Variants in CCDC30 observed in about 807,000 individuals in gnomAD.
CCDC30 encodes the protein coiled-coil domain containing 30.
Under a neutral mutation model 100.2 loss-of-function variants are expected in CCDC30, and 70 were observed. That is an observed-to-expected ratio of 0.70 (90% CI 0.58 to 0.85). CCDC30 has a LOEUF of 0.85. Ranked by LOEUF, CCDC30 falls within the 40% of genes least tolerant of loss-of-function variation. The pLI is 0.00. For missense variants in CCDC30, 652 were observed against 771.2 expected (o/e 0.85, Z 1.83); for synonymous variants, 233 against 269.5 (o/e 0.86, Z 1.33).
rs1024147658 is a variant in CCDC30, at chr1:42,570,446, G to A, written c.636+3971G>A. Among the ~76,000 whole-genome samples, 6 of 152,052 alleles carry A rather than the reference G, an allele frequency of 3.9e-5. No individual in the cohort carries two copies. In the South Asian group the frequency reaches 8.3e-4, roughly 21 times the overall value. ...TTATAAAATATAACACTTAGAAAATGCATAAAACATACAGTTTACCTAGTA... is the reference window on the plus strand; with the variant it reads ...TTATAAAATATAACACTTAGAAAATACATAAAACATACAGTTTACCTAGTA... On this transcript the variant is annotated intron_variant, in intron 7 of 16. Transcript: ENST00000668663.
chr1:42,605,306 A>G (rs1161559165), intron 10 of CCDC30, among the ~76,000 whole-genome samples: 1 of 152,158 alleles, frequency 6.6e-6, no homozygotes, highest in African/African-American at 2.4e-5. Flanking sequence ...TGAGGGGAGT[A>G]TCTTTTGGAT....
intron 4 of CCDC30, among the ~76,000 whole-genome samples, chr1:42,493,975 A>G (rs1300810324): frequency 6.6e-6 from 1 of 152,184 alleles, no homozygotes; most frequent in Non-Finnish European, 1.5e-5. Flanking sequence ...GCACTTTGGG[A>G]GGCCAAGGGG....
At chr1:42,525,825 G>A (rs1335581628) in intron 6 of CCDC30, among the ~76,000 whole-genome samples, 2 of 152,086 alleles carry the variant, frequency 1.3e-5, no homozygotes, top group African/African-American at 4.8e-5. Flanking sequence ...GTGACCCTGG[G>A]TGTTCAATAA....
At chr1:42,640,503 G>A (rs1270358987) in intron 12 of CCDC30, among the ~76,000 whole-genome samples, 1 of 152,158 alleles carries the variant, frequency 6.6e-6, no homozygotes, top group East Asian at 1.9e-4. Context: ...TAGCAGGTCA[G>A]ACTACCATTA....
intron 13 of CCDC30, among the ~76,000 whole-genome samples, chr1:42,643,082 C>T (rs962746310): frequency 6.6e-6 from 1 of 152,152 alleles, no homozygotes; most frequent in Non-Finnish European, 1.5e-5. Flanking sequence ...TCATAGGAGA[C>T]TTTCATTATA....
At chr1:42,586,266 C>T (rs1012250901) in intron 9 of CCDC30, among the ~76,000 whole-genome samples, 2 of 152,036 alleles carry the variant, frequency 1.3e-5, no homozygotes, top group Non-Finnish European at 2.9e-5. Context: ...AAGGAGGTGA[C>T]GTAGGCCTAG....
At chr1:42,564,980 C>T (rs1645576160) in intron 6 of CCDC30, among the ~76,000 whole-genome samples, 2 of 152,146 alleles carry the variant, frequency 1.3e-5, no homozygotes, top group African/African-American at 4.8e-5. Flanking sequence ...GCATAATGCC[C>T]TCCAAGTTCA....
intron 10 of CCDC30, 118 bp from the exon 15 acceptor site, chr1:42,610,860 C>T (rs1367115702): frequency 5.5e-6 from 3 of 549,172 alleles, no homozygotes; most frequent in African/African-American, 2.0e-5. Flanking sequence ...CTACTATGAT[C>T]TCAGAAGCAG....
rs12402795 is a variant in CCDC30, at chr1:42,480,019, G to C, written c.-91-442G>C. ...ATGGGGGACATCTCTGGTGCGAGCCGAGTAACTGATGGCTAGGCTTTTTTG... is the reference window on the plus strand; with the variant it reads ...ATGGGGGACATCTCTGGTGCGAGCCCAGTAACTGATGGCTAGGCTTTTTTG... On this transcript the variant is annotated intron_variant, in intron 1 of 16. Transcript: ENST00000668663. 6.1e-3 allele frequency among the ~76,000 whole-genome samples: 922 copies of C among 152,140 alleles called. 6 individuals carry two copies. The highest frequency in any genetic ancestry group is 0.021 in the African/African-American group (860 of 41,502).
intron 6 of CCDC30, among the ~76,000 whole-genome samples, chr1:42,564,837 C>T (rs567750306): frequency 6.6e-6 from 1 of 152,232 alleles, no homozygotes; most frequent in Admixed American, 6.5e-5. Flanking sequence ...CATGCCTCCC[C>T]TCCCCAGCCT....
chr1:42,456,423 A>G, the CCDC30 span: 5 of 904,736 alleles, frequency 5.5e-6, no homozygotes, highest in Non-Finnish European at 8.0e-6. Context: ...GCATTTCCAG[A>G]CTTGGCGAGA....
chr1:42,623,774 T>C (rs1328963977), intron 11 of CCDC30, among the ~76,000 whole-genome samples: 1 of 152,224 alleles, frequency 6.6e-6, no homozygotes, highest in Non-Finnish European at 1.5e-5. Flanking sequence ...GTGAAGAATG[T>C]CATTGGTATT....
At chr1:42,649,023 G>A (rs368658635) in intron 15 of CCDC30, among the ~76,000 whole-genome samples, 2 of 151,848 alleles carry the variant, frequency 1.3e-5, no homozygotes, top group African/African-American at 2.4e-5. Flanking sequence ...TTCAACAAAC[G>A]AATAATGAAT....
rs1443306491 is a variant in CCDC30, at chr1:42,577,014, C to T, written c.637-6C>T. 1.3e-6 allele frequency: 2 copies of T among 1,594,752 alleles called. No individual in the cohort carries two copies. The highest frequency in any genetic ancestry group is 4.5e-5 in the East Asian group (2 of 44,638). ...TGTATTACTCTTACTTATTCTCTACCTCTAGATAAAGATTGAACTAAAGCA... is the reference window on the plus strand; with the variant it reads ...TGTATTACTCTTACTTATTCTCTACTTCTAGATAAAGATTGAACTAAAGCA... On this transcript the variant is annotated splice_polypyrimidine_tract_variant and splice_region_variant and intron_variant, in intron 7 of 16. Coordinates refer to ENST00000668663, the Ensembl canonical transcript of CCDC30.
At chr1:42,584,135 A>G (rs1300580049) in intron 9 of CCDC30, among the ~76,000 whole-genome samples, 1 of 152,162 alleles carries the variant, frequency 6.6e-6, no homozygotes, top group Admixed American at 6.5e-5. Context: ...AAAAAACAAA[A>G]TGTTTCAATT....
chr1:42,582,110 G>A (rs1181433323), intron 9 of CCDC30, among the ~76,000 whole-genome samples: 1 of 150,066 alleles, frequency 6.7e-6, no homozygotes, highest in Non-Finnish European at 1.5e-5. Context: ...GACTCCTTTA[G>A]TCCCAGCTAC....
At chr1:42,573,717 AATAG>A (rs1177010361) in intron 7 of CCDC30, among the ~76,000 whole-genome samples, 1 of 152,078 alleles carries the variant, frequency 6.6e-6, no homozygotes, top group East Asian at 1.9e-4. Flanking sequence ...GCTTTTTAAA[AATAG>A]ATATTTTATC....
At chr1:42,545,230 G>A (rs922952942) in intron 6 of CCDC30, among the ~76,000 whole-genome samples, 180 bp from the exon 9 acceptor site, 2 of 132,408 alleles carry the variant, frequency 1.5e-5, no homozygotes, top group Middle Eastern at 5.7e-3. Flanking sequence ...AAAAAAAATC[G>A]ATTAAGTAAT....
At chr1:42,525,851 G>A (rs997701480) in intron 6 of CCDC30, among the ~76,000 whole-genome samples, 2 of 152,028 alleles carry the variant, frequency 1.3e-5, no homozygotes, top group South Asian at 4.2e-4. Context: ...CTCTGATCTA[G>A]CTGGTCAGAA....
Sources: allele counts gnomAD v4.1 joint callset (sites outside exome capture counted in the v4.1 genomes callset), GRCh38; gene constraint gnomAD v4.1.1; transcripts MANE v1.5; gene names NCBI Gene and HGNC (gene_info 2026-07-23, HGNC 2026-07-21).